Variants in BMPER observed in about 807,000 individuals in gnomAD.
The protein encoded by BMPER is BMP binding endothelial regulator, also known as BMP-binding endothelial regulator protein.
A neutral mutation model predicts 87.3 loss-of-function variants in BMPER; 45 were observed. That is an observed-to-expected ratio of 0.52 (90% CI 0.41 to 0.66). The LOEUF (loss-of-function observed/expected upper bound fraction) is 0.66, where lower values mean the gene tolerates loss of function less well. Among genes scored for constraint, BMPER ranks in the 30% least tolerant of loss-of-function variants. BMPER has a pLI of 0.00. For synonymous variants in BMPER, 326 were observed against 316.2 expected (o/e 1.03, Z -0.33); for missense variants, 784 against 867.5 (o/e 0.90, Z 1.21).
chr7:33,905,436 T>TCCCCCCCCCCC, upstream of BMPER: 2 of 20,336 alleles, frequency 9.8e-5, no homozygotes, highest in Admixed American at 7.2e-4. Context: ...CACCTTGGTC[T>TCCCCCCCCCCC]CTCCCCCCGC....
chr7:34,059,402 G>A (rs1788372075), intron 10 of BMPER, among the ~76,000 whole-genome samples: 1 of 151,948 alleles, frequency 6.6e-6, no homozygotes, highest in African/African-American at 2.4e-5. Flanking sequence ...GGAGGGGATG[G>A]TGGGGGGAGG....
intron 11 of BMPER, among the ~76,000 whole-genome samples, chr7:34,064,934 T>C (rs1788537306): frequency 1.3e-5 from 2 of 152,232 alleles, no homozygotes; most frequent in African/African-American, 2.4e-5. Context: ...TTTATTCTGA[T>C]GTCCTTTAGC....
At chr7:34,118,124 G>A (rs527711880) in intron 13 of BMPER, among the ~76,000 whole-genome samples, 12 of 152,208 alleles carry the variant, frequency 7.9e-5, no homozygotes, top group African/African-American at 2.6e-4. Context: ...GACCAACATG[G>A]TGAAACCCCG....
At chr7:33,994,149 C>T (rs554859283) in intron 6 of BMPER, among the ~76,000 whole-genome samples, 4 of 152,328 alleles carry the variant, frequency 2.6e-5, no homozygotes, top group Non-Finnish European at 5.9e-5. Context: ...GGGCTCCACC[C>T]AGTTCGAGCT....
At chr7:34,092,134 C>T (rs968839799) in intron 13 of BMPER, among the ~76,000 whole-genome samples, 2 of 152,138 alleles carry the variant, frequency 1.3e-5, no homozygotes, top group African/African-American at 4.8e-5. Context: ...CACTTACAGT[C>T]AAAGTGTGCA....
At chr7:33,954,490 T>A (rs1171506863) in intron 3 of BMPER, among the ~76,000 whole-genome samples, 3 of 152,214 alleles carry the variant, frequency 2.0e-5, no homozygotes, top group Non-Finnish European at 2.9e-5. Flanking sequence ...GAAGTATTCA[T>A]ACCTTGGAAA....
intron 13 of BMPER, among the ~76,000 whole-genome samples, chr7:34,096,014 G>A (rs1789521169): frequency 6.6e-6 from 1 of 152,056 alleles, no homozygotes; most frequent in Non-Finnish European, 1.5e-5. Context: ...GTAAATCCCA[G>A]ATGGAATGAC....
At chr7:33,990,457 A>G (rs1389092365) in intron 6 of BMPER, among the ~76,000 whole-genome samples, 2 of 142,984 alleles carry the variant, frequency 1.4e-5, no homozygotes, top group Admixed American at 7.1e-5. Flanking sequence ...ATTTTTGTAC[A>G]TTGATTTTGT....
intron 3 of BMPER, among the ~76,000 whole-genome samples, chr7:33,952,840 G>C (rs1042067194): frequency 1.3e-5 from 2 of 152,266 alleles, no homozygotes; most frequent in Middle Eastern, 3.4e-3. Context: ...AATGTGTATT[G>C]ACTTAGAAAT....
intron 3 of BMPER, among the ~76,000 whole-genome samples, chr7:33,939,186 T>C (rs974799271): frequency 6.6e-6 from 1 of 152,214 alleles, no homozygotes; most frequent in African/African-American, 2.4e-5. Context: ...TGCTTCTCCA[T>C]GATTGGTCAT....
intron 13 of BMPER, among the ~76,000 whole-genome samples, chr7:34,114,873 T>G (rs1203582194): frequency 1.3e-5 from 2 of 152,174 alleles, no homozygotes; most frequent in Non-Finnish European, 2.9e-5. Flanking sequence ...GTGGATGAGT[T>G]AAGGTTGGAG....
At chr7:33,968,183 A>G (rs1489768529) in intron 4 of BMPER, among the ~76,000 whole-genome samples, 1 of 152,126 alleles carries the variant, frequency 6.6e-6, no homozygotes, top group African/African-American at 2.4e-5. Flanking sequence ...GATGTTACCT[A>G]CCCAAGAGGA....
Position 33,908,450 on chromosome 7 carries a change from C to A in BMPER, c.219+1547C>A, listed in dbSNP as rs1010594486. ...ATGAGAAATTCTCCCCACAGCATTC[C>A]CCCCTTTTCAGTACTCCTACCCCTG... On this transcript the variant is annotated intron_variant, in intron 2 of 14. Transcript: ENST00000649409. 5.5e-4 allele frequency among the ~76,000 whole-genome samples: 83 copies of A among 152,072 alleles called. 1 individual carries two copies. Among genetic ancestry groups the A allele is most frequent in the African/African-American group, 2.0e-3 (82 of 41,402 alleles).
chr7:33,966,193 C>T (rs916587480), intron 3 of BMPER, among the ~76,000 whole-genome samples: 14 of 152,112 alleles, frequency 9.2e-5, no homozygotes, highest in African/African-American at 3.4e-4. Flanking sequence ...AATCAAGTCA[C>T]GAGGTTATAC....
chr7:33,997,005 G>A (rs1786432041), intron 6 of BMPER, among the ~76,000 whole-genome samples: 1 of 152,050 alleles, frequency 6.6e-6, no homozygotes, highest in African/African-American at 2.4e-5. Flanking sequence ...AACCTATCTT[G>A]GGGGATAAGG....
intron 11 of BMPER, among the ~76,000 whole-genome samples, chr7:34,063,196 T>C (rs1003879528): frequency 4.3e-4 from 66 of 152,230 alleles, no homozygotes; most frequent in African/African-American, 1.4e-3. Flanking sequence ...TCTATCAGTG[T>C]GTTTTCTGAG....
intron 2 of BMPER, 87 bp downstream of exon 2, chr7:33,906,990 C>A: frequency 1.6e-6 from 2 of 1,262,722 alleles, no homozygotes; most frequent in Non-Finnish European, 2.3e-6. Flanking sequence ...CCAGATCTTA[C>A]AAATTGTCTT....
intron 13 of BMPER, among the ~76,000 whole-genome samples, chr7:34,141,985 A>G (rs184614388): frequency 1.3e-5 from 2 of 152,322 alleles, no homozygotes; most frequent in East Asian, 1.9e-4. Flanking sequence ...GGAAAATGAC[A>G]TTATAGTGTC....
intron 6 of BMPER, among the ~76,000 whole-genome samples, chr7:34,015,695 TCTG>T (rs1787003182): frequency 1.3e-5 from 2 of 151,930 alleles, no homozygotes; most frequent in African/African-American, 4.8e-5. Flanking sequence ...TTCTTCATTG[TCTG>T]CTAATTCTGT....
Sources: gnomAD v4.1 joint callset for allele counts (sites outside exome capture counted in the v4.1 genomes callset) on GRCh38, gnomAD v4.1.1 for gene constraint, MANE v1.5 for transcripts, NCBI Gene and HGNC (gene_info 2026-07-23, HGNC 2026-07-21) for gene names.